LHX8: variants seen among roughly 807,000 people sequenced by gnomAD.
LHX8 encodes the protein LIM homeobox 8.
Under a neutral mutation model 40.3 loss-of-function variants are expected in LHX8, and 12 were observed. The ratio of observed to expected loss-of-function variants is 0.30; its 90% confidence interval spans 0.19 to 0.48. The LOEUF (loss-of-function observed/expected upper bound fraction) is 0.48. LHX8 is among the 20% of genes least tolerant of loss of function. The pLI is 0.99. For missense variants in LHX8, 344 were observed against 433.7 expected (o/e 0.79, Z 1.84); for synonymous variants, 179 against 162.0 (o/e 1.10, Z -0.80).
chr1:75,131,974 G>A (rs1341180608), upstream of LHX8: 1 of 152,154 alleles, frequency 6.6e-6, no homozygotes, highest in African/African-American at 2.4e-5. Context: ...ATAAGATGAT[G>A]TTTTTTTGAT....
chr1:75,195,872 T>G, the LHX8 span, among the ~76,000 whole-genome samples: 2 of 152,132 alleles, frequency 1.3e-5, no homozygotes, highest in African/African-American at 4.8e-5. Flanking sequence ...AATATTCTTC[T>G]GAAGACAACT....
chr1:75,184,334 C>T, the LHX8 span, among the ~76,000 whole-genome samples: 2 of 152,108 alleles, frequency 1.3e-5, no homozygotes, highest in Non-Finnish European at 2.9e-5. Context: ...TCATCGTCAC[C>T]TGACACATAC....
the LHX8 span, among the ~76,000 whole-genome samples, chr1:75,167,459 C>T: frequency 6.6e-5 from 10 of 152,142 alleles, no homozygotes; most frequent in Non-Finnish European, 2.9e-5. Context: ...CTTTCACTAG[C>T]TTTCCCTCTC....
At chr1:75,141,925 A>G (rs916293258) in intron 4 of LHX8, among the ~76,000 whole-genome samples, 73 of 152,258 alleles carry the variant, frequency 4.8e-4, no homozygotes, top group African/African-American at 1.6e-3. Flanking sequence ...AAATGATTTC[A>G]AAGAGTTTAG....
chr1:75,177,982 G>A, the LHX8 span, among the ~76,000 whole-genome samples: 1 of 152,246 alleles, frequency 6.6e-6, no homozygotes, highest in South Asian at 2.1e-4. Flanking sequence ...TACATTTGTT[G>A]ATTTGCATAT....
At chr1:75,179,507 T>G in the LHX8 span, among the ~76,000 whole-genome samples, 1,666 of 149,024 alleles carry the variant, frequency 0.011, 38 homozygotes, top group African/African-American at 0.039. Flanking sequence ...CTGTTGTTTT[T>G]TTTTTTTTTT....
the LHX8 span, among the ~76,000 whole-genome samples, chr1:75,167,674 T>C: frequency 6.6e-6 from 1 of 152,168 alleles, no homozygotes; most frequent in Admixed American, 6.5e-5. Context: ...CAGTTTTGTC[T>C]CAAGATTAGA....
At chr1:75,173,886 A>G in the LHX8 span, among the ~76,000 whole-genome samples, 3 of 152,160 alleles carry the variant, frequency 2.0e-5, no homozygotes, top group African/African-American at 7.2e-5. Flanking sequence ...GATCCTAGCT[A>G]TACAGTTTGA....
chr1:75,130,559 G>A (rs977140711), upstream of LHX8: 1 of 770,020 alleles, frequency 1.3e-6, no homozygotes, highest in Non-Finnish European at 2.4e-6. Flanking sequence ...GGTCCCAGAC[G>A]GAGGCCCTCG....
the LHX8 span, among the ~76,000 whole-genome samples, chr1:75,184,147 G>A: frequency 3.3e-5 from 5 of 152,248 alleles, no homozygotes; most frequent in African/African-American, 7.2e-5. Context: ...AGAGACTCAC[G>A]AAGATACTTA....
Position 75,148,709 on chromosome 1 carries a change from T to A in LHX8, c.780+27T>A, listed in dbSNP as rs753841161. 111 of 1,164,042 alleles carry A rather than the reference T, an allele frequency of 9.5e-5. No homozygotes were observed. The Middle Eastern group carries it at 1.4e-3, about 15-fold the overall frequency. 72.1% of individuals were successfully genotyped at this position (1,164,042 alleles called of 1,614,324 possible). ...TGATTACTTTACTTTTTTTTTTTTTTAAGGTTTTTAAAAAATAGATATTGG... is the reference window on the plus strand; with the variant it reads ...TGATTACTTTACTTTTTTTTTTTTTAAAGGTTTTTAAAAAATAGATATTGG... On this transcript the variant is annotated intron_variant, in intron 7 of 8. Coordinates refer to ENST00000356261, the MANE Select transcript of LHX8 (RefSeq NM_001256114.2).
the LHX8 span, among the ~76,000 whole-genome samples, chr1:75,184,084 T>G: frequency 6.6e-6 from 1 of 152,188 alleles, no homozygotes; most frequent in African/African-American, 2.4e-5. Context: ...CTAACTATCC[T>G]AAATATATAT....
At chr1:75,193,121 C>A in the LHX8 span, among the ~76,000 whole-genome samples, 7 of 152,298 alleles carry the variant, frequency 4.6e-5, no homozygotes, top group East Asian at 1.3e-3. Flanking sequence ...TCCCTGCAGG[C>A]TCCTTCATCT....
At chr1:75,184,647 T>C in the LHX8 span, among the ~76,000 whole-genome samples, 1 of 152,140 alleles carries the variant, frequency 6.6e-6, no homozygotes, top group Non-Finnish European at 1.5e-5. Flanking sequence ...TAGCATTAAA[T>C]GTCCACACCA....
At chr1:75,137,340 C>A in intron 3 of LHX8, 79 bp downstream of exon 3, 1 of 1,414,744 alleles carries the variant, frequency 7.1e-7, no homozygotes, top group East Asian at 2.3e-5. Flanking sequence ...AATGTTCCTC[C>A]CACCAACCTT....
chr1:75,131,010 ACCCTTGGCGCTGGAG>A (rs1208024273), upstream of LHX8: 1 of 502,934 alleles, frequency 2.0e-6, no homozygotes, highest in African/African-American at 1.9e-5. Flanking sequence ...GGCCCACTGT[ACCCTTGGCGCTGGAG>A]CCCTGGAGGT....
chr1:75,186,648 T>C, the LHX8 span, among the ~76,000 whole-genome samples: 1 of 152,136 alleles, frequency 6.6e-6, no homozygotes, highest in Non-Finnish European at 1.5e-5. Flanking sequence ...AGCAAGGTCC[T>C]TCAAATTAAT....
chr1:75,137,572 T>C (rs1454035544), intron 3 of LHX8, among the ~76,000 whole-genome samples: 1 of 152,138 alleles, frequency 6.6e-6, no homozygotes, highest in East Asian at 1.9e-4. Context: ...AAAACCCTTA[T>C]CCATTCTGAG....
chr1:75,158,815 C>T (rs1407094250), intron 8 of LHX8, among the ~76,000 whole-genome samples: 1 of 151,966 alleles, frequency 6.6e-6, no homozygotes, highest in Admixed American at 6.6e-5. Flanking sequence ...TTTGTATTGC[C>T]CATTCTTGGC....
Sources: allele counts gnomAD v4.1 joint callset (sites outside exome capture counted in the v4.1 genomes callset), GRCh38; gene constraint gnomAD v4.1.1; transcripts MANE v1.5; gene names NCBI Gene and HGNC (gene_info 2026-07-23, HGNC 2026-07-21).